KANSL3: variants seen among roughly 807,000 people sequenced by gnomAD.
KANSL3 encodes the protein KAT8 regulatory NSL complex subunit 3.
In KANSL3, 16 loss-of-function variants were observed where a neutral mutation model predicts 89.2. That is an observed-to-expected ratio of 0.18 (90% CI 0.12 to 0.27). The LOEUF (loss-of-function observed/expected upper bound fraction) is 0.27. KANSL3 is among the 10% of genes least tolerant of loss of function. The pLI, the probability that KANSL3 is intolerant of heterozygous loss-of-function variation, is 1.00. For missense variants in KANSL3, 879 were observed against 1,110.6 expected (o/e 0.79, Z 2.96); for synonymous variants, 385 against 419.7 (o/e 0.92, Z 1.01).
At chr2:96,609,412 CAA>C (rs2068517017) in intron 12 of KANSL3, 85 bp downstream of exon 12, 2 of 1,237,248 alleles carry the variant, frequency 1.6e-6, no homozygotes, top group Admixed American at 1.8e-5. Flanking sequence ...GCCTTAGAGC[CAA>C]AGAGACCACT....
At chr2:96,622,074 A>T (rs535749596) in intron 3 of KANSL3, among the ~76,000 whole-genome samples, 1 of 151,730 alleles carries the variant, frequency 6.6e-6, no homozygotes, top group Non-Finnish European at 1.5e-5. Context: ...AGACAGTGCC[A>T]TTGCACTCCA....
intron 20 of KANSL3, chr2:96,600,468 CG>C: frequency 6.1e-6 from 6 of 985,342 alleles, no homozygotes; most frequent in Non-Finnish European, 7.2e-6. Flanking sequence ...ATGATCCCAA[CG>C]AATGTCAGGT....
chr2:96,631,925 G>GT (rs1558783205), intron 2 of KANSL3, among the ~76,000 whole-genome samples: 1 of 151,940 alleles, frequency 6.6e-6, no homozygotes, highest in African/African-American at 2.4e-5. Context: ...ACACACCTGT[G>GT]ATCCCAGCTA....
chr2:96,623,160 G>A (rs2105917920), intron 3 of KANSL3, among the ~76,000 whole-genome samples: 1 of 152,186 alleles, frequency 6.6e-6, no homozygotes, highest in East Asian at 1.9e-4. Context: ...AACATCTGCT[G>A]AATAAATAAA....
At position 96,593,525 on chromosome 2, in the gene KANSL3, CCT is replaced by C. The variant is rs2066348317; in HGVS notation, c.*2084_*2085del. On this transcript the variant is annotated 3_prime_UTR_variant, in exon 21 of 21. Coordinates refer to ENST00000431828, the MANE Select transcript of KANSL3 (RefSeq NM_001115016.3). ...ACGTGACTCTAGGCCTCAGCCACTT[CCT>C]CTGTTACCCTGTGCAAGTTGTAGAA... 2 of 352,236 alleles carry C rather than the reference CCT, an allele frequency of 5.7e-6. No homozygotes were observed. Among genetic ancestry groups the C allele is most frequent in the South Asian group, 4.3e-5 (2 of 46,092 alleles). The allele number at this position is 352,236 out of a possible 1,614,324, so 21.8% of individuals were successfully genotyped here. A position where few individuals can be genotyped will look rare whatever the true frequency, so the allele number is the denominator to read the frequency against.
At chr2:96,616,310 T>C (rs550836973) in intron 5 of KANSL3, among the ~76,000 whole-genome samples, 36 of 152,322 alleles carry the variant, frequency 2.4e-4, no homozygotes, top group African/African-American at 6.7e-4. Context: ...CAGTAGTATA[T>C]AGCTTTGAAA....
chr2:96,586,206 C>T, the KANSL3 span, among the ~76,000 whole-genome samples: 1 of 138,786 alleles, frequency 7.2e-6, no homozygotes, highest in Non-Finnish European at 1.5e-5. Flanking sequence ...GCCTGGATGA[C>T]AGAGTGAGAC....
intron 14 of KANSL3, 51 bp from the exon 15 acceptor site, chr2:96,605,562 A>G (rs2067852761): frequency 2.0e-6 from 3 of 1,479,612 alleles, no homozygotes; most frequent in Non-Finnish European, 2.8e-6. Flanking sequence ...AAATCCCAAC[A>G]GACACTCAGT....
chr2:96,598,107 G>A (rs2066719716), intron 20 of KANSL3: 1 of 985,250 alleles, frequency 1.0e-6, no homozygotes. Flanking sequence ...GGATCACGTG[G>A]CAGGATCTGT....
At chr2:96,586,149 C>T in the KANSL3 span, among the ~76,000 whole-genome samples, 6 of 150,512 alleles carry the variant, frequency 4.0e-5, no homozygotes, top group Admixed American at 1.3e-4. Context: ...CACTTGAACC[C>T]GGGAGGCGGA....
At chr2:96,609,342 A>C (rs147648917) in intron 12 of KANSL3, among the ~76,000 whole-genome samples, 157 bp downstream of exon 12, 1 of 151,928 alleles carries the variant, frequency 6.6e-6, no homozygotes, top group Non-Finnish European at 1.5e-5. Flanking sequence ...ACATTAATTC[A>C]CCACTCTCAT....
At chr2:96,581,026 C>T in the KANSL3 span, among the ~76,000 whole-genome samples, 1 of 152,254 alleles carries the variant, frequency 6.6e-6, no homozygotes, top group Non-Finnish European at 1.5e-5. Flanking sequence ...GGCTGTGCAG[C>T]CCTGCAGACT....
At chr2:96,608,764 C>A in intron 13 of KANSL3, 100 bp from the exon 14 acceptor site, 2 of 1,552,616 alleles carry the variant, frequency 1.3e-6, no homozygotes, top group Non-Finnish European at 1.8e-6. Flanking sequence ...AACTCACAGG[C>A]CCATGGCACT....
chr2:96,634,507 G>A (rs985783659), intron 2 of KANSL3, among the ~76,000 whole-genome samples: 41 of 148,966 alleles, frequency 2.8e-4, no homozygotes, highest in Non-Finnish European at 5.5e-4. Context: ...CAGAGACTCC[G>A]TCTCAAAAAA....
chr2:96,612,596 AG>A (rs755633523), intron 7 of KANSL3, 33 bp from the exon 8 acceptor site: 1 of 1,550,464 alleles, frequency 6.4e-7, no homozygotes, highest in Non-Finnish European at 8.9e-7. Context: ...ACACCAGCAG[AG>A]GTAAGTTTCA....
intron 3 of KANSL3, among the ~76,000 whole-genome samples, chr2:96,626,095 T>C (rs2072252931): frequency 6.6e-6 from 1 of 152,242 alleles, no homozygotes; most frequent in Non-Finnish European, 1.5e-5. Flanking sequence ...CTCTGGCTCA[T>C]TCTATTCAAA....
In KANSL3 at chr2:96,636,946, G is replaced by C; in HGVS notation, c.190C>G (p.Pro64Ala). 1 of 1,542,290 alleles carries C rather than the reference G, an allele frequency of 6.5e-7. No homozygotes were observed. The highest frequency in any genetic ancestry group is 1.2e-5 in the South Asian group (1 of 83,022). The change falls in exon 2 of 21, where the codon CCC becomes GCC. Residue 64 changes from proline (P) to alanine (A), a missense_variant. Pro to Ala is a conservative substitution (Grantham distance 27). Around this residue, in one of 6 missense-constraint regions of KANSL3, gnomAD observed 210 missense variants for 311.9 expected, o/e 0.67. Coordinates refer to ENST00000431828, the MANE Select transcript of KANSL3 (RefSeq NM_001115016.3). The part of the protein sequence containing the change: ...ARPTRMLFVT[P>A]RRQHESTIES... ...ATGGTACTTTCGTGCTGCCGCCGGG[G>C]AGTGACAAAGAGCATGCGGGTGGGG...
intron 3 of KANSL3, among the ~76,000 whole-genome samples, chr2:96,627,490 C>T (rs376434393): frequency 6.6e-6 from 1 of 152,198 alleles, no homozygotes; most frequent in African/African-American, 2.4e-5. Context: ...GCTGGGATTA[C>T]AGGCGAGAGC....
chr2:96,601,705 T>G lies in KANSL3; in HGVS notation c.2554A>C (p.Met852Leu), dbSNP rs778213317. The part of the protein sequence containing the change: ...QPSRITTLSP[M>L]GSGAAPSEES... Reference sequence around the variant, plus strand: ...TCGGATGGGGCTGCTCCTGAGCCCATAGGGCTCAGTGTAGTGATCCTGCTC... The same window carrying G: ...TCGGATGGGGCTGCTCCTGAGCCCAGAGGGCTCAGTGTAGTGATCCTGCTC... Residue 852 changes from methionine (M) to leucine (L), a missense_variant, in exon 20 of 21, where the codon ATG becomes CTG. By Grantham distance (15) the Met-to-Leu change is conservative. Transcript: ENST00000431828. 6 of 1,612,802 alleles carry G rather than the reference T, an allele frequency of 3.7e-6. No homozygotes were observed. The Admixed American group carries it at 1.0e-4, about 27-fold the overall frequency.
Sources: gnomAD v4.1 joint callset for allele counts (sites outside exome capture counted in the v4.1 genomes callset) on GRCh38, gnomAD v4.1.1 for gene constraint, gnomAD v4.1.1 regional missense constraint, MANE v1.5 for transcripts, NCBI Gene and HGNC (gene_info 2026-07-23, HGNC 2026-07-21) for gene names.